Variants in POLN observed in about 807,000 individuals in gnomAD.
POLN encodes DNA polymerase N.
Under a neutral mutation model 113.5 loss-of-function variants are expected in POLN, and 108 were observed. That is an observed-to-expected ratio of 0.95 (90% CI 0.81 to 1.12). The LOEUF is 1.12. Among genes scored for constraint, POLN ranks in the 50% most tolerant of loss-of-function variants. POLN has a pLI of 0.00. For missense variants in POLN, 1,097 were observed against 1,077.1 expected, an observed-to-expected ratio of 1.02 and a Z score of -0.26; for synonymous variants, 386 against 391.5, an observed-to-expected ratio of 0.99 and a Z score of 0.17.
intron 23 of POLN, 128 bp downstream of exon 23, chr4:2,080,830 G>C: frequency 1.3e-6 from 2 of 1,562,512 alleles, no homozygotes; most frequent in African/African-American, 1.3e-5. Flanking sequence ...CATGGGCTGA[G>C]AGCCTCAGGA....
intron 19 of POLN, among the ~76,000 whole-genome samples, chr4:2,097,611 G>A (rs1228244210): frequency 6.6e-6 from 1 of 152,096 alleles, no homozygotes; most frequent in Non-Finnish European, 1.5e-5. Context: ...GCCTCCCAAA[G>A]TGCTGGGATT....
intron 23 of POLN, chr4:2,078,554 G>C (rs1313399871): frequency 1.0e-6 from 1 of 978,180 alleles, no homozygotes; most frequent in African/African-American, 1.8e-5. Flanking sequence ...CACTCTAGGG[G>C]CACCGTGTGC....
chr4:2,206,762 G>A (rs1333314981), intron 5 of POLN, among the ~76,000 whole-genome samples: 1 of 152,166 alleles, frequency 6.6e-6, no homozygotes, highest in Admixed American at 6.5e-5. Flanking sequence ...ATATTGGCAT[G>A]GATGCAGTGA....
intron 19 of POLN, among the ~76,000 whole-genome samples, chr4:2,111,625 G>T (rs1731196526): frequency 6.6e-6 from 1 of 152,092 alleles, no homozygotes; most frequent in Admixed American, 6.6e-5. Context: ...AATCATGAGT[G>T]AACTCCCATT....
At chr4:2,134,367 G>A (rs1055828988) in intron 16 of POLN, among the ~76,000 whole-genome samples, 4 of 152,160 alleles carry the variant, frequency 2.6e-5, no homozygotes, top group Non-Finnish European at 4.4e-5. Context: ...AATTAATTTG[G>A]TGGATGCCTA....
At chr4:2,201,291 A>AC (rs1553799800) in intron 5 of POLN, among the ~76,000 whole-genome samples, 3 of 148,086 alleles carry the variant, frequency 2.0e-5, no homozygotes, top group Admixed American at 6.7e-5. Flanking sequence ...AAAAAAAAAA[A>AC]AAAAAAAAAA....
At position 2,093,215 on chromosome 4, in the gene POLN, C is replaced by T. The variant is rs1429673613; in HGVS notation, c.2065+2636G>A. Among the ~76,000 whole-genome samples, 3 of 152,354 alleles carry T rather than the reference C, an allele frequency of 2.0e-5. No individual in the cohort carries two copies. The highest frequency in any genetic ancestry group is 7.2e-5 in the African/African-American group (3 of 41,582). ...GAGGACAGCTGCCCCACGGCAGGTGCTCGGCACTCTCATTCTCCATCCCTC... is the reference window on the plus strand; with the variant it reads ...GAGGACAGCTGCCCCACGGCAGGTGTTCGGCACTCTCATTCTCCATCCCTC... On this transcript the variant is annotated intron_variant, in intron 20 of 25. Coordinates refer to ENST00000511885, the MANE Select transcript of POLN (RefSeq NM_181808.4). The surrounding 1 kb of genome is among the most constrained non-coding windows in gnomAD (Gnocchi z 4.1).
intron 20 of POLN, chr4:2,090,596 G>T (rs544733194): frequency 2.2e-6 from 1 of 448,976 alleles, no homozygotes; most frequent in South Asian, 2.5e-5. Flanking sequence ...TCACAGCCTC[G>T]AACATTCCGA....
intron 19 of POLN, among the ~76,000 whole-genome samples, chr4:2,101,129 T>C (rs913234488): frequency 6.6e-6 from 1 of 151,640 alleles, no homozygotes; most frequent in Non-Finnish European, 1.5e-5. Flanking sequence ...GGGTCCAGAT[T>C]GAGTACATGC....
chr4:2,209,212 T>C (rs982717227), intron 4 of POLN, among the ~76,000 whole-genome samples: 5 of 152,108 alleles, frequency 3.3e-5, no homozygotes, highest in African/African-American at 1.2e-4. Flanking sequence ...CCAGGTGCAG[T>C]GGCTCACACC....
chr4:2,196,481 C>T (rs751123016), intron 6 of POLN, among the ~76,000 whole-genome samples: 4 of 152,088 alleles, frequency 2.6e-5, no homozygotes, highest in South Asian at 2.1e-4. Context: ...GGCTGAGGAA[C>T]GCTCCAGATT....
intron 24 of POLN, 76 bp from the exon 25 acceptor site, chr4:2,073,105 T>A: frequency 1.4e-6 from 2 of 1,465,750 alleles, no homozygotes; most frequent in South Asian, 2.3e-5. Flanking sequence ...AAGAGAACTT[T>A]CAGGCCCGAG....
intron 11 of POLN, 91 bp from the exon 12 acceptor site, chr4:2,171,272 G>T: frequency 8.4e-7 from 1 of 1,190,792 alleles, no homozygotes; most frequent in Non-Finnish European, 1.2e-6. Context: ...TCAACAGCGA[G>T]ATGGGCACGG....
rs1023864438 is a variant in POLN at position 2,112,016 on chromosome 4, T to C, written c.1983-16083A>G. On this transcript the variant is annotated intron_variant, in intron 19 of 25. Transcript: ENST00000511885. Reference sequence around the variant, plus strand: ...CAAGGCTACAGTAACCAAAACAGCATGGTACTGGTACCAAAACAGAGATAT... The same window carrying C: ...CAAGGCTACAGTAACCAAAACAGCACGGTACTGGTACCAAAACAGAGATAT... 5.3e-5 allele frequency among the ~76,000 whole-genome samples: 8 copies of C among 152,306 alleles called. No homozygotes were observed. The East Asian group carries it at 5.8e-4, about 11-fold the overall frequency.
chr4:2,198,065 G>T (rs1182662589), intron 6 of POLN, among the ~76,000 whole-genome samples: 3 of 152,204 alleles, frequency 2.0e-5, no homozygotes, highest in Non-Finnish European at 4.4e-5. Flanking sequence ...AGGTGAGACA[G>T]GTCTTGCCTC....
intron 3 of POLN, among the ~76,000 whole-genome samples, chr4:2,219,861 A>T (rs1273677225): frequency 6.6e-6 from 1 of 151,962 alleles, no homozygotes; most frequent in Non-Finnish European, 1.5e-5. Context: ...TGTTGGCACC[A>T]CCTCTTGGAA....
At chr4:2,088,403 A>G (rs1730596896) in intron 20 of POLN, among the ~76,000 whole-genome samples, 1 of 152,252 alleles carries the variant, frequency 6.6e-6, no homozygotes, top group Non-Finnish European at 1.5e-5. Flanking sequence ...ATATTTCATC[A>G]TAAAAAACAT....
chr4:2,105,624 G>T (rs894340685), intron 19 of POLN, among the ~76,000 whole-genome samples: 1 of 152,134 alleles, frequency 6.6e-6, no homozygotes, highest in African/African-American at 2.4e-5. Flanking sequence ...TGTGAGCTCA[G>T]AAATAGGGAA....
intron 19 of POLN, among the ~76,000 whole-genome samples, 167 bp from the exon 20 acceptor site, chr4:2,096,100 T>C (rs941310269): frequency 2.0e-5 from 3 of 152,044 alleles, no homozygotes; most frequent in Non-Finnish European, 2.9e-5. Flanking sequence ...TGGTGTCAGC[T>C]CAGCAAGGGC....
Sources: allele counts gnomAD v4.1 joint callset (sites outside exome capture counted in the v4.1 genomes callset), GRCh38; gene constraint gnomAD v4.1.1; non-coding constraint Gnocchi (gnomAD v3.1); transcripts MANE v1.5; gene names NCBI Gene and HGNC (gene_info 2026-07-23, HGNC 2026-07-21).